The following MED13 variants were observed in gnomAD, a reference collection of about 807,000 sequenced individuals.
MED13 encodes mediator complex subunit 13, also known as mediator of RNA polymerase II transcription subunit 13.
MED13 carries 23 observed loss-of-function variants against 225.2 expected under a neutral mutation model. The ratio of observed to expected loss-of-function variants is 0.10; its 90% CI spans 0.07 to 0.14. The LOEUF (loss-of-function observed/expected upper bound fraction) is 0.14. MED13 is among the 10% of genes least tolerant of loss of function. The probability of loss-of-function intolerance (pLI) is 1.00; values close to 1 mark genes in which losing one functional copy is unlikely to be tolerated. For synonymous variants in MED13, 942 were observed against 889.2 expected, an observed-to-expected ratio of 1.06 and a Z score of -1.06; for missense variants, 2,197 against 2,594.5, an observed-to-expected ratio of 0.85 and a Z score of 3.33.
At chr17:61,990,672 C>G (rs2080290186) in intron 11 of MED13, among the ~76,000 whole-genome samples, 1 of 146,986 alleles carries the variant, frequency 6.8e-6, no homozygotes, top group Admixed American at 6.8e-5. Flanking sequence ...CCCAAAACAT[C>G]ATGTTGTATA....
chr17:62,034,556 G>T (rs998914519), intron 4 of MED13, among the ~76,000 whole-genome samples: 32 of 151,284 alleles, frequency 2.1e-4, no homozygotes, highest in Non-Finnish European at 1.9e-4. Context: ...GAATATTTGT[G>T]TATCCTTCAA....
At chr17:61,969,419 T>A (rs2143393340) in intron 17 of MED13, among the ~76,000 whole-genome samples, 1 of 152,200 alleles carries the variant, frequency 6.6e-6, no homozygotes, top group East Asian at 1.9e-4. Context: ...CTCATGCCTG[T>A]AATCTCAGCA....
chr17:61,979,754 C>T (rs1465965126), intron 16 of MED13, among the ~76,000 whole-genome samples: 1 of 152,190 alleles, frequency 6.6e-6, no homozygotes, highest in South Asian at 2.1e-4. Context: ...TCATCCCGTT[C>T]TTTTGTGAAC....
Position 61,985,041 on chromosome 17 carries a change from T to C in MED13, c.2435A>G (p.Lys812Arg), listed in dbSNP as rs1166393275. The change falls in exon 13 of 30, where the codon AAG becomes AGG. Residue 812 changes from lysine to arginine, a missense_variant. Around this residue, in one of 12 missense-constraint regions of MED13, gnomAD observed 41 missense variants for 55.8 expected, o/e 0.73. Coordinates refer to ENST00000397786, the MANE Select transcript of MED13 (RefSeq NM_005121.3). ...GTCCAGATTTCCTGTCTTTGATTCC[T>C]TGCAGCTGGCTTTATCATCTGATCC... is the stretch of plus-strand genomic sequence containing the variant. Reference protein sequence around the residue: ...ANGSDDKASCKESKTGNLDPL... With the variant: ...ANGSDDKASCRESKTGNLDPL... 1 of 1,614,064 alleles carries C rather than the reference T, an allele frequency of 6.2e-7. No homozygotes were observed. The highest frequency in any genetic ancestry group is 8.5e-7 in the Non-Finnish European group (1 of 1,179,996).
At position 62,021,257 on chromosome 17, in the gene MED13, A is replaced by T. The variant is rs1186574506; in HGVS notation, c.1283+8284T>A. Among the ~76,000 whole-genome samples the T allele has an allele frequency of 4.0e-5, 6 of 149,630 alleles. No homozygotes were observed. In the East Asian group the frequency reaches 1.2e-3, roughly 30 times the overall value. Reference sequence around the variant, plus strand: ...GCAGAGGGGCTCCTCACTTCCCAGTAGGGGCGGCCGGGCAGAGGCGCCCCT... The same window carrying T: ...GCAGAGGGGCTCCTCACTTCCCAGTTGGGGCGGCCGGGCAGAGGCGCCCCT... On this transcript the variant is annotated intron_variant, in intron 8 of 29. Transcript: ENST00000397786.
chr17:62,060,752 T>C (rs1023931980), intron 2 of MED13, among the ~76,000 whole-genome samples: 3 of 150,802 alleles, frequency 2.0e-5, no homozygotes, highest in Non-Finnish European at 4.4e-5. Flanking sequence ...CAGGCTGGAG[T>C]GCAGTGGCAA....
rs772921683 is a variant in MED13 at position 61,995,302 on chromosome 17, A to C, written c.2031T>G (p.Ile677Met). The change falls in exon 10 of 30, where the codon ATT (isoleucine) becomes ATG (methionine). Residue 677 changes from isoleucine to methionine, a missense_variant. Ile to Met is a conservative substitution (Grantham distance 10). This residue lies in a region of MED13 where 884 missense variants were observed against 918.5 expected (regional missense o/e 0.96). Coordinates refer to ENST00000397786, the MANE Select transcript of MED13 (RefSeq NM_005121.3). ...CTATTGCTGAAAGACACTGGTTTTT[A>C]ATTTGATATTGCTGCACTAATTCAT... is the stretch of plus-strand genomic sequence containing the variant. ...VSDELVQQYQIKNQCLSAIAS... is the reference protein window; with the variant it reads ...VSDELVQQYQMKNQCLSAIAS... The C allele has an allele frequency of 6.2e-7, 1 of 1,613,838 alleles. No individual in the cohort carries two copies. Among genetic ancestry groups the C allele is most frequent in the East Asian group, 2.2e-5 (1 of 44,808 alleles).
chr17:62,051,009 T>C (rs549759064), intron 3 of MED13, among the ~76,000 whole-genome samples: 1 of 152,234 alleles, frequency 6.6e-6, no homozygotes, highest in East Asian at 1.9e-4. Flanking sequence ...TGTCTCAAAA[T>C]AAATAAATAA....
rs150828631 is a variant in MED13 at position 61,990,589 on chromosome 17, C to CTATA, written c.2263+1947_2263+1950dup. Among the ~76,000 whole-genome samples the CTATA allele has an allele frequency of 3.7e-3, 526 of 143,164 alleles. 4 individuals carry two copies. Among genetic ancestry groups the CTATA allele is most frequent in the African/African-American group, 0.013 (492 of 37,962 alleles). The allele number at this position is 143,164 out of a possible 152,430, so 93.9% of individuals were successfully genotyped here. ...GTGTGTATATATGTATAGGGTCTCA[C>CTATA]TATATATATATATACACACACACAC... is the stretch of plus-strand genomic sequence containing the variant. On this transcript the variant is annotated intron_variant, in intron 11 of 29. Coordinates refer to ENST00000397786, the MANE Select transcript of MED13 (RefSeq NM_005121.3).
chr17:61,987,973 G>A (rs904187114), intron 11 of MED13, among the ~76,000 whole-genome samples: 1 of 151,856 alleles, frequency 6.6e-6, no homozygotes, highest in African/African-American at 2.4e-5. Context: ...GAGCTTCTGG[G>A]CTCAAGCAAT....
At chr17:61,957,658 T>C (rs2143323157) in intron 23 of MED13, among the ~76,000 whole-genome samples, 1 of 151,828 alleles carries the variant, frequency 6.6e-6, no homozygotes, top group East Asian at 1.9e-4. Flanking sequence ...CAGCAAACTT[T>C]TTTTAAAGAG....
chr17:61,999,671 A>G (rs534938494), intron 9 of MED13, among the ~76,000 whole-genome samples: 28 of 152,312 alleles, frequency 1.8e-4, no homozygotes, highest in Non-Finnish European at 3.7e-4. Context: ...GCTACACATG[A>G]AAGTCTAAGA....
chr17:62,027,537 G>A (rs577593569), intron 8 of MED13, among the ~76,000 whole-genome samples: 25 of 152,186 alleles, frequency 1.6e-4, no homozygotes, highest in South Asian at 4.1e-4. Flanking sequence ...ATTTCATGAC[G>A]AAGATGTCAA....
chr17:62,048,398 CAAAA>C (rs555420453), intron 3 of MED13, among the ~76,000 whole-genome samples: 7 of 68,088 alleles, frequency 1.0e-4, no homozygotes, highest in East Asian at 4.2e-4. Context: ...GAGACTGTTT[CAAAA>C]AAAAAAAAAA....
intron 5 of MED13, 103 bp from the exon 6 acceptor site, chr17:62,031,741 C>A: frequency 8.8e-6 from 5 of 567,644 alleles, no homozygotes; most frequent in Admixed American, 4.4e-5. Context: ...CACATTTATA[C>A]AAATAAAAAT....
In MED13 at chr17:61,946,346, A is replaced by AAC; in HGVS notation, c.*121_*122insGT. The AAC allele has an allele frequency of 8.7e-7, 1 of 1,144,624 alleles. No individual in the cohort carries two copies. Among genetic ancestry groups the AAC allele is most frequent in the Non-Finnish European group, 1.2e-6 (1 of 825,000 alleles). The allele number at this position is 1,144,624 out of a possible 1,614,324, so 70.9% of individuals were successfully genotyped here. On this transcript the variant is annotated 3_prime_UTR_variant, in exon 30 of 30. Coordinates refer to ENST00000397786, the MANE Select transcript of MED13 (RefSeq NM_005121.3). ...CCCCAAGTCAAAACAATATTTGTTG[A>AAC]AGTAATAAGAATTAGACCCCATCAC... is the stretch of plus-strand genomic sequence containing the variant.
At chr17:62,010,335 T>C (rs1442013980) in intron 9 of MED13, 2 of 387,590 alleles carry the variant, frequency 5.2e-6, no homozygotes, top group Non-Finnish European at 9.1e-6. Flanking sequence ...TACAAGTGTT[T>C]ACACATTATT....
intron 11 of MED13, among the ~76,000 whole-genome samples, chr17:61,990,657 T>C (rs973597400): frequency 7.7e-6 from 1 of 129,300 alleles, no homozygotes; most frequent in Non-Finnish European, 1.6e-5. Context: ...ATATACACAC[T>C]CCCCCCCAAA....
intron 11 of MED13, among the ~76,000 whole-genome samples, chr17:61,990,650 T>TAC (rs1555635085): frequency 0.02 from 2,806 of 141,100 alleles, 40 homozygotes; most frequent in South Asian, 0.032. Flanking sequence ...TATATATATA[T>TAC]ACACACTCCC....
Sources: gnomAD v4.1 joint callset for allele counts (sites outside exome capture counted in the v4.1 genomes callset) on GRCh38, gnomAD v4.1.1 for gene constraint, gnomAD v4.1.1 regional missense constraint, MANE v1.5 for transcripts, NCBI Gene and HGNC (gene_info 2026-07-23, HGNC 2026-07-21) for gene names.